The following CHRM3 variants were observed in gnomAD, a reference collection of about 807,000 sequenced individuals.
The protein encoded by CHRM3 is cholinergic receptor muscarinic 3.
A neutral mutation model predicts 41.8 loss-of-function variants in CHRM3; 11 were observed. The observed-to-expected ratio is 0.26, with a 90% CI of 0.17 to 0.44. CHRM3 has a LOEUF of 0.44. Ranked by LOEUF, CHRM3 falls within the 20% of genes least tolerant of loss-of-function variation. CHRM3 has a pLI of 1.00. For synonymous variants in CHRM3, 297 were observed against 301.4 expected, an observed-to-expected ratio of 0.99 and a Z score of 0.15; for missense variants, 571 against 745.4, an observed-to-expected ratio of 0.77 and a Z score of 2.72.
Position 239,476,293 on chromosome 1 carries a change from C to T in CHRM3, c.-520-16416C>T, listed in dbSNP as rs375148008. ...CCAGTCTTGCCAACGTGGCGAAACCCCGTCTCTACTAAAGATACAAAAATT... is the reference window on the plus strand; with the variant it reads ...CCAGTCTTGCCAACGTGGCGAAACCTCGTCTCTACTAAAGATACAAAAATT... On this transcript the variant is annotated intron_variant, in intron 1 of 6. Coordinates refer to ENST00000676153, the MANE Select transcript of CHRM3 (RefSeq NM_001375978.1). 1.9e-4 allele frequency among the ~76,000 whole-genome samples: 29 copies of T among 152,066 alleles called. No individual in the cohort carries two copies. The South Asian group carries it at 5.4e-3, about 28-fold the overall frequency.
intron 2 of CHRM3, among the ~76,000 whole-genome samples, chr1:239,507,139 C>T (rs967389764): frequency 6.6e-6 from 1 of 152,162 alleles, no homozygotes; most frequent in South Asian, 2.1e-4. Context: ...TGAGTTAAGA[C>T]TTTGGGGGAC....
chr1:239,543,189 T>C (rs2148399768), intron 2 of CHRM3, among the ~76,000 whole-genome samples: 1 of 152,330 alleles, frequency 6.6e-6, no homozygotes, highest in East Asian at 1.9e-4. Flanking sequence ...TCCTGGCACA[T>C]TGCAGAATGA....
chr1:239,721,063 T>C (rs1662925115), intron 5 of CHRM3, among the ~76,000 whole-genome samples: 1 of 151,904 alleles, frequency 6.6e-6, no homozygotes, highest in African/African-American at 2.4e-5. Context: ...TTTATTCCAG[T>C]GATCCAATAA....
At chr1:239,640,516 T>A (rs1231639631) in intron 4 of CHRM3, among the ~76,000 whole-genome samples, 1 of 152,224 alleles carries the variant, frequency 6.6e-6, no homozygotes, top group African/African-American at 2.4e-5. Context: ...GTCGAGGAAT[T>A]TATCCATTTC....
intron 5 of CHRM3, among the ~76,000 whole-genome samples, chr1:239,794,586 C>T (rs1279278914): frequency 1.3e-5 from 2 of 152,042 alleles, no homozygotes; most frequent in East Asian, 3.9e-4. Context: ...TGGGTACTTT[C>T]TACATAATCT....
At chr1:239,731,513 C>T (rs984161342) in intron 5 of CHRM3, among the ~76,000 whole-genome samples, 4 of 151,730 alleles carry the variant, frequency 2.6e-5, no homozygotes, top group South Asian at 2.1e-4. Flanking sequence ...TCTTATATGC[C>T]GTTAGTATTG....
rs72760707 is a variant in CHRM3, at chr1:239,869,203, A to G, written c.-19-38230A>G. ...AAGGTGGGGAGCGCACCTGGGCAGG[A>G]CACCCAGCAGCGTGCACTAAAAGGA... On this transcript the variant is annotated intron_variant, in intron 6 of 6. Transcript: ENST00000676153. Among the ~76,000 whole-genome samples, 306 of 152,272 alleles carry G rather than the reference A, an allele frequency of 2.0e-3. 1 individual carries two copies. Among genetic ancestry groups the G allele is most frequent in the Non-Finnish European group, 2.7e-3 (185 of 68,024 alleles).
At chr1:239,730,716 A>G (rs1355110270) in intron 5 of CHRM3, among the ~76,000 whole-genome samples, 2 of 151,940 alleles carry the variant, frequency 1.3e-5, no homozygotes, top group East Asian at 3.9e-4. Flanking sequence ...CACAATTTTC[A>G]CAGGGTCCTG....
At chr1:239,539,152 A>G (rs535177342) in intron 2 of CHRM3, among the ~76,000 whole-genome samples, 1 of 152,188 alleles carries the variant, frequency 6.6e-6, no homozygotes, top group Non-Finnish European at 1.5e-5. Flanking sequence ...CTCATGCCCA[A>G]GAAGCTGCTT....
Position 239,386,857 on chromosome 1 carries a change from C to G in CHRM3, c.-891C>G, listed in dbSNP as rs1395863967. 1 of 151,912 alleles carries G rather than the reference C, an allele frequency of 6.6e-6. No homozygotes were observed. The highest frequency in any genetic ancestry group is 2.4e-5 in the African/African-American group (1 of 41,396). 9.4% of individuals were successfully genotyped at this position (151,912 alleles called of 1,614,324 possible). A position where few individuals can be genotyped will look rare whatever the true frequency, so the allele number is the denominator to read the frequency against. On this transcript the variant is annotated 5_prime_UTR_variant, in exon 1 of 7. Coordinates refer to ENST00000676153, the MANE Select transcript of CHRM3 (RefSeq NM_001375978.1). ...TGCAGGGGAGCACAGGGCGCGGGGGCGGCACTGCCGAGCCGGGAGCGCTGC... is the reference window on the plus strand; with the variant it reads ...TGCAGGGGAGCACAGGGCGCGGGGGGGGCACTGCCGAGCCGGGAGCGCTGC...
At chr1:239,432,556 C>T (rs1432849904) in intron 1 of CHRM3, among the ~76,000 whole-genome samples, 4 of 151,978 alleles carry the variant, frequency 2.6e-5, no homozygotes, top group Non-Finnish European at 5.9e-5. Flanking sequence ...TTACACTGAC[C>T]CCAGGATATC....
intron 1 of CHRM3, among the ~76,000 whole-genome samples, chr1:239,477,778 C>T (rs545148397): frequency 6.6e-6 from 1 of 152,278 alleles, no homozygotes; most frequent in South Asian, 2.1e-4. Context: ...AACTTTAGGT[C>T]TTCACTGAGT....
chr1:239,586,464 A>G (rs958909144), intron 3 of CHRM3, among the ~76,000 whole-genome samples: 1 of 152,118 alleles, frequency 6.6e-6, no homozygotes, highest in African/African-American at 2.4e-5. Flanking sequence ...ATGAATCAAA[A>G]CACAGACAAA....
Position 239,911,252 on chromosome 1 carries a change from GGGAAAAAAAAA to G in CHRM3, c.*2029_*2039del, listed in dbSNP as rs1680351373. 6.2e-6 allele frequency: 1 copy of G among 162,590 alleles called. No homozygotes were observed. Among genetic ancestry groups the G allele is most frequent in the Non-Finnish European group, 1.5e-5 (1 of 67,852 alleles). 10.1% of individuals were successfully genotyped at this position (162,590 alleles called of 1,614,324 possible). ...ATTGTGTCTGAAATCATTTTACACA[GGGAAAAAAAAA>G]AACAATCAGCATAATTGTAAGAATG... On this transcript the variant is annotated 3_prime_UTR_variant, in exon 7 of 7. Transcript: ENST00000676153.
chr1:239,772,254 G>T (rs567386765), intron 5 of CHRM3, among the ~76,000 whole-genome samples: 2 of 152,098 alleles, frequency 1.3e-5, no homozygotes, highest in Admixed American at 6.5e-5. Flanking sequence ...GGGTTCAAGC[G>T]ATTCTCTTGC....
intron 5 of CHRM3, chr1:239,727,518 A>G (rs969637896): frequency 1.3e-5 from 2 of 151,864 alleles, no homozygotes; most frequent in South Asian, 2.1e-4. Context: ...ATTTGGCTGT[A>G]TGTGCTTTTA....
At chr1:239,399,695 G>A (rs1659798967) in intron 1 of CHRM3, among the ~76,000 whole-genome samples, 1 of 146,790 alleles carries the variant, frequency 6.8e-6, no homozygotes, top group Non-Finnish European at 1.5e-5. Flanking sequence ...TTTTAAGCGT[G>A]AATGGTATCT....
intron 1 of CHRM3, among the ~76,000 whole-genome samples, chr1:239,393,089 G>A (rs1659181299): frequency 6.6e-6 from 1 of 152,102 alleles, no homozygotes; most frequent in Admixed American, 6.6e-5. Flanking sequence ...GAGGCCAGGA[G>A]TTCAAGGTTA....
rs774281135 is a variant in CHRM3, at chr1:239,399,230, CAATT to C, written c.-521+12006_-521+12009del. On this transcript the variant is annotated intron_variant, in intron 1 of 6. Coordinates refer to ENST00000676153, the MANE Select transcript of CHRM3 (RefSeq NM_001375978.1). The stretch of plus-strand genomic sequence containing the variant: ...GCCCTCTTTTTTCATGTATAGTTGA[CAATT>C]AAACATTATATATATTTATGGTGTA... 9.9e-5 allele frequency among the ~76,000 whole-genome samples: 15 copies of C among 151,628 alleles called. No homozygotes were observed. In the East Asian group the frequency reaches 1.6e-3, roughly 16 times the overall value.
Sources: allele counts gnomAD v4.1 joint callset (sites outside exome capture counted in the v4.1 genomes callset), GRCh38; gene constraint gnomAD v4.1.1; transcripts MANE v1.5; gene names NCBI Gene and HGNC (gene_info 2026-07-23, HGNC 2026-07-21).